Variants in PRKAR2A observed in about 807,000 individuals in gnomAD.
The protein encoded by PRKAR2A is protein kinase cAMP-dependent type II regulatory subunit alpha.
In PRKAR2A, 29 loss-of-function variants were observed where a neutral mutation model predicts 51.9. The observed-to-expected ratio is 0.56, with a 90% CI of 0.42 to 0.76. The LOEUF (loss-of-function observed/expected upper bound fraction) is 0.76. Ranked by LOEUF, PRKAR2A falls within the 30% of genes least tolerant of loss-of-function variation. The pLI is 0.00. For missense variants in PRKAR2A, 445 were observed against 512.1 expected, an observed-to-expected ratio of 0.87 and a Z score of 1.26; for synonymous variants, 178 against 186.2, an observed-to-expected ratio of 0.96 and a Z score of 0.36.
At chr3:48,783,919 G>T (rs965266268) in intron 4 of PRKAR2A, among the ~76,000 whole-genome samples, 2 of 152,004 alleles carry the variant, frequency 1.3e-5, no homozygotes, top group Non-Finnish European at 2.9e-5. Flanking sequence ...GTATAACAAA[G>T]ATTCCAGGTC....
rs1177374619 is a variant in PRKAR2A at position 48,791,903 on chromosome 3, C to CAA, written c.352-1278_352-1277dup. ...GGGCAACAAGAGCGAAACTCTGTCTCAAAAAAAAAAAAAAAAAAAAAAAAA... is the reference window on the plus strand; with the variant it reads ...GGGCAACAAGAGCGAAACTCTGTCTCAAAAAAAAAAAAAAAAAAAAAAAAAAA... On this transcript the variant is annotated intron_variant, in intron 3 of 10. Coordinates refer to ENST00000265563, the MANE Select transcript of PRKAR2A (RefSeq NM_004157.4). Among the ~76,000 whole-genome samples the CAA allele has an allele frequency of 1.8e-3, 76 of 41,888 alleles. 5 individuals carry two copies. The highest frequency in any genetic ancestry group is 6.9e-3 in the African/African-American group (59 of 8,586). 27.5% of individuals were successfully genotyped at this position (41,888 alleles called of 152,430 possible).
At chr3:48,825,280 T>C (rs1362655575) in intron 1 of PRKAR2A, among the ~76,000 whole-genome samples, 1 of 151,952 alleles carries the variant, frequency 6.6e-6, no homozygotes, top group Non-Finnish European at 1.5e-5. Context: ...CTCCTTGGGA[T>C]TAGAGGCATG....
intron 9 of PRKAR2A, among the ~76,000 whole-genome samples, chr3:48,755,516 G>A (rs763029764): frequency 4.6e-5 from 7 of 151,830 alleles, no homozygotes; most frequent in African/African-American, 7.3e-5. Flanking sequence ...AGTTATCCTA[G>A]AGACCTCTTC....
At chr3:48,774,225 A>C (rs1367279287) in intron 5 of PRKAR2A, among the ~76,000 whole-genome samples, 2 of 152,160 alleles carry the variant, frequency 1.3e-5, no homozygotes, top group African/African-American at 2.4e-5. Flanking sequence ...GTAATGATTA[A>C]GTCAGGGTAA....
intron 5 of PRKAR2A, among the ~76,000 whole-genome samples, chr3:48,782,596 C>A (rs758895731): frequency 1.3e-4 from 20 of 152,142 alleles, no homozygotes; most frequent in Non-Finnish European, 2.6e-4. Flanking sequence ...GCTGGGATTA[C>A]AGGCATGCAC....
At chr3:48,756,742 C>T (rs1419993566) in intron 8 of PRKAR2A, among the ~76,000 whole-genome samples, 2 of 152,226 alleles carry the variant, frequency 1.3e-5, no homozygotes, top group African/African-American at 4.8e-5. Context: ...TCACTATTAA[C>T]TTGTGGAACA....
At chr3:48,752,917 T>C (rs1183036743) in intron 9 of PRKAR2A, among the ~76,000 whole-genome samples, 7 of 8,168 alleles carry the variant, frequency 8.6e-4, no homozygotes, top group African/African-American at 5.6e-3. Flanking sequence ...TCCCTCCTCC[T>C]TTTTTTTTTT....
At chr3:48,775,401 G>A (rs183720899) in intron 5 of PRKAR2A, among the ~76,000 whole-genome samples, 1 of 151,496 alleles carries the variant, frequency 6.6e-6, no homozygotes, top group African/African-American at 2.4e-5. Context: ...TCATGTCATT[G>A]CACTCCAGCC....
At chr3:48,785,990 T>C (rs776593108) in intron 4 of PRKAR2A, among the ~76,000 whole-genome samples, 6 of 152,102 alleles carry the variant, frequency 3.9e-5, no homozygotes, top group Admixed American at 6.6e-5. Flanking sequence ...GAAACAAATA[T>C]ACTAATCAGA....
chr3:48,810,247 C>T (rs2082749423), intron 1 of PRKAR2A, among the ~76,000 whole-genome samples: 2 of 151,978 alleles, frequency 1.3e-5, no homozygotes, highest in Non-Finnish European at 2.9e-5. Flanking sequence ...TGTACACACA[C>T]ACACACGTAT....
chr3:48,839,645 C>A (rs905648746), intron 1 of PRKAR2A, among the ~76,000 whole-genome samples: 1 of 152,130 alleles, frequency 6.6e-6, no homozygotes, highest in African/African-American at 2.4e-5. Context: ...TTTTTTGACT[C>A]TTTCCAATAG....
chr3:48,763,964 G>T (rs1367280343), intron 8 of PRKAR2A, among the ~76,000 whole-genome samples: 2 of 152,110 alleles, frequency 1.3e-5, no homozygotes, highest in African/African-American at 4.8e-5. Context: ...TCTTCCAAGG[G>T]AGCTTTTTTC....
At chr3:48,816,018 C>CAAAAA (rs748275352) in intron 1 of PRKAR2A, among the ~76,000 whole-genome samples, 1 of 51,652 alleles carries the variant, frequency 1.9e-5, no homozygotes, top group Admixed American at 1.8e-4. Context: ...GACTCCATCT[C>CAAAAA]AAAAAAAAAA....
chr3:48,817,325 CAATAAATAAATAAATAAATAAATA>C lies in PRKAR2A; in HGVS notation c.263-9665_263-9642del, dbSNP rs10545720. Among the ~76,000 whole-genome samples the C allele has an allele frequency of 5.7e-5, 8 of 139,156 alleles. No individual in the cohort carries two copies. In the South Asian group the frequency reaches 1.7e-3, roughly 29 times the overall value. The allele number at this position is 139,156 out of a possible 152,430, so 91.3% of individuals were successfully genotyped here. A position where few individuals can be genotyped will look rare whatever the true frequency, so the allele number is the denominator to read the frequency against. On this transcript the variant is annotated intron_variant, in intron 1 of 10. Transcript: ENST00000265563. ...CTGGTGACACAGCAAGACTACGTCT[CAATAAATAAATAAATAAATAAATA>C]AATAAATAAATAAATAAATAGGCCA...
chr3:48,822,463 A>G (rs1275150484), intron 1 of PRKAR2A, among the ~76,000 whole-genome samples: 1 of 152,184 alleles, frequency 6.6e-6, no homozygotes, highest in Non-Finnish European at 1.5e-5. Context: ...GATTAGAGCA[A>G]AGAGAAGGAA....
At chr3:48,806,689 T>C (rs1239970838) in intron 2 of PRKAR2A, among the ~76,000 whole-genome samples, 1 of 152,074 alleles carries the variant, frequency 6.6e-6, no homozygotes, top group Non-Finnish European at 1.5e-5. Context: ...TAAAATAATA[T>C]GGACTATACC....
intron 1 of PRKAR2A, among the ~76,000 whole-genome samples, chr3:48,829,696 G>C (rs1295667651): frequency 2.9e-5 from 4 of 139,250 alleles, no homozygotes; most frequent in Non-Finnish European, 6.3e-5. Context: ...GTGTATACGT[G>C]TGTATATATT....
intron 1 of PRKAR2A, among the ~76,000 whole-genome samples, chr3:48,838,341 T>A (rs1395865819): frequency 6.6e-6 from 1 of 152,072 alleles, no homozygotes; most frequent in African/African-American, 2.4e-5. Flanking sequence ...GCGCAGTGGC[T>A]CACACCTGTA....
At position 48,746,925 on chromosome 3, in the gene PRKAR2A, T is replaced by C. The variant is rs1449199597; in HGVS notation, c.*4660A>G. 1 of 152,104 alleles carries C rather than the reference T, an allele frequency of 6.6e-6. No homozygotes were observed. Among genetic ancestry groups the C allele is most frequent in the Admixed American group, 6.6e-5 (1 of 15,246 alleles). 9.4% of individuals were successfully genotyped at this position (152,104 alleles called of 1,614,324 possible). On this transcript the variant is annotated 3_prime_UTR_variant, in exon 11 of 11. Coordinates refer to ENST00000265563, the MANE Select transcript of PRKAR2A (RefSeq NM_004157.4). ...TTTGAGGTAGCACAATAATGCTGAA[T>C]TAGATTTATTTTATTACAGTGAGCT...
Sources: gnomAD v4.1 joint callset for allele counts (sites outside exome capture counted in the v4.1 genomes callset) on GRCh38, gnomAD v4.1.1 for gene constraint, MANE v1.5 for transcripts, NCBI Gene and HGNC (gene_info 2026-07-23, HGNC 2026-07-21) for gene names.